SDK1: variants seen among roughly 807,000 people sequenced by gnomAD.
SDK1 encodes the protein sidekick cell adhesion molecule 1.
In SDK1, 157 loss-of-function variants were observed where a neutral mutation model predicts 245.5. That is an observed-to-expected ratio of 0.64 (90% CI 0.56 to 0.73). The LOEUF is 0.73. Ranked by LOEUF, SDK1 falls within the 30% of genes least tolerant of loss-of-function variation. SDK1 has a pLI of 0.00. For missense variants in SDK1, 3,583 were observed against 3,002.3 expected, an observed-to-expected ratio of 1.19 and a Z score of -4.52; for synonymous variants, 1,647 against 1,278.5, an observed-to-expected ratio of 1.29 and a Z score of -6.15.
At chr7:3,476,906 A>G (rs1050041485) in intron 1 of SDK1, among the ~76,000 whole-genome samples, 1 of 152,182 alleles carries the variant, frequency 6.6e-6, no homozygotes, top group African/African-American at 2.4e-5. Flanking sequence ...GTGGGGAAAG[A>G]GGAACTCCTC....
intron 4 of SDK1, among the ~76,000 whole-genome samples, chr7:3,709,359 T>C (rs1030665110): frequency 2.6e-5 from 4 of 152,182 alleles, no homozygotes; most frequent in African/African-American, 9.7e-5. Context: ...AGACTGGGCA[T>C]GCATGCAAGG....
Position 3,886,153 on chromosome 7 carries a change from A to G in SDK1, c.847+64570A>G, listed in dbSNP as rs1319140296. Among the ~76,000 whole-genome samples the G allele has an allele frequency of 3.3e-5, 5 of 152,186 alleles. 1 individual carries two copies. Among genetic ancestry groups the G allele is most frequent in the Non-Finnish European group, 7.4e-5 (5 of 68,022 alleles). ...AAAACACGGACTGTACAGTTATCCT[A>G]CGTCAGGGATGAAGGATGGATCTGG... On this transcript the variant is annotated intron_variant, in intron 5 of 44. Transcript: ENST00000404826.
At chr7:3,830,920 C>T (rs1423562081) in intron 5 of SDK1, among the ~76,000 whole-genome samples, 1 of 152,174 alleles carries the variant, frequency 6.6e-6, no homozygotes, top group African/African-American at 2.4e-5. Context: ...GTAAACATAA[C>T]ATTTCAGAGT....
intron 5 of SDK1, among the ~76,000 whole-genome samples, chr7:3,847,461 A>G (rs1044582612): frequency 1.3e-5 from 2 of 152,354 alleles, no homozygotes; most frequent in Admixed American, 6.5e-5. Context: ...GCTGTCTGAC[A>G]GAGGAGACTC....
chr7:4,242,533 G>C (rs1009056447), intron 43 of SDK1, among the ~76,000 whole-genome samples: 11 of 152,058 alleles, frequency 7.2e-5, no homozygotes, highest in Non-Finnish European at 4.4e-5. Context: ...TCTGATTTGA[G>C]TACCCTTGAC....
At position 4,239,449 on chromosome 7, in the gene SDK1, C is replaced by T. The variant is rs967096932; in HGVS notation, c.6130+1665C>T. Among the ~76,000 whole-genome samples, 9 of 152,206 alleles carry T rather than the reference C, an allele frequency of 5.9e-5. No individual in the cohort carries two copies. In the South Asian group the frequency reaches 6.2e-4, roughly 10 times the overall value. On this transcript the variant is annotated intron_variant, in intron 42 of 44. Transcript: ENST00000404826. ...TAGCATAGCTTGTGCATTTGATTATCGTCAATTTTAAAAACCTCATAATTA... is the reference window on the plus strand; with the variant it reads ...TAGCATAGCTTGTGCATTTGATTATTGTCAATTTTAAAAACCTCATAATTA...
intron 1 of SDK1, among the ~76,000 whole-genome samples, chr7:3,313,655 G>C (rs1779600633): frequency 6.6e-6 from 1 of 152,194 alleles, no homozygotes; most frequent in Admixed American, 6.5e-5. Flanking sequence ...GGATTAGCGA[G>C]AGTGTAAGCA....
chr7:3,746,256 T>G (rs1185381747), intron 4 of SDK1, among the ~76,000 whole-genome samples: 11 of 152,236 alleles, frequency 7.2e-5, no homozygotes. Flanking sequence ...CAAAAATACT[T>G]TATTTTAAAA....
intron 1 of SDK1, among the ~76,000 whole-genome samples, chr7:3,597,197 G>A (rs1464925719): frequency 6.6e-5 from 10 of 151,022 alleles, no homozygotes; most frequent in African/African-American, 9.8e-5. Context: ...GCGTGAACCC[G>A]GGAGGCGGAG....
At chr7:4,072,231 T>A (rs1780298408) in intron 20 of SDK1, among the ~76,000 whole-genome samples, 1 of 152,314 alleles carries the variant, frequency 6.6e-6, no homozygotes, top group East Asian at 1.9e-4. Context: ...GGCCTGGGTT[T>A]GGAGGTGCCT....
At chr7:3,383,657 G>T (rs1781543809) in intron 1 of SDK1, among the ~76,000 whole-genome samples, 1 of 152,094 alleles carries the variant, frequency 6.6e-6, no homozygotes. Context: ...CTTTAAAGAG[G>T]CATGGACAAT....
At chr7:3,415,566 A>G (rs1779339587) in intron 1 of SDK1, among the ~76,000 whole-genome samples, 1 of 152,098 alleles carries the variant, frequency 6.6e-6, no homozygotes, top group Non-Finnish European at 1.5e-5. Flanking sequence ...TGTATTGCTC[A>G]TAGATGGAAA....
In SDK1 at chr7:3,373,102, G is replaced by A. The variant is rs1196381090; in HGVS notation, c.298+71218G>A. ...CGGATGTAGTGTGTTTTACAGTGGC[G>A]CTATGTCCTTATAAACTGATAAGCT... On this transcript the variant is annotated intron_variant, in intron 1 of 44. Transcript: ENST00000404826. 3.5e-4 allele frequency among the ~76,000 whole-genome samples: 53 copies of A among 152,198 alleles called. 1 individual carries two copies. Among genetic ancestry groups the A allele is most frequent in the South Asian group, 6.2e-4 (3 of 4,822 alleles).
intron 4 of SDK1, among the ~76,000 whole-genome samples, chr7:3,708,986 G>A (rs1270223768): frequency 1.3e-5 from 2 of 152,148 alleles, no homozygotes; most frequent in Non-Finnish European, 2.9e-5. Context: ...CATGTTAATT[G>A]TTGCCTAGAT....
chr7:3,527,831 T>G, intron 1 of SDK1, among the ~76,000 whole-genome samples: 1 of 145,086 alleles, frequency 6.9e-6, no homozygotes. Context: ...TGGATGATAG[T>G]CAGCTAGGGG....
rs1780535382 is a variant in SDK1 at position 3,855,976 on chromosome 7, T to C, written c.847+34393T>C. On this transcript the variant is annotated intron_variant, in intron 5 of 44. Coordinates refer to ENST00000404826, the MANE Select transcript of SDK1 (RefSeq NM_152744.4). ...CAGCAGTAAAAAAGCTGCATAAAAA[T>C]GAATAATAAAGAATTTACTGAAACT... Among the ~76,000 whole-genome samples, 3 of 152,152 alleles carry C rather than the reference T, an allele frequency of 2.0e-5. No homozygotes were observed. In the South Asian group the frequency reaches 6.2e-4, roughly 32 times the overall value.
chr7:3,311,710 T>G (rs1779554282), intron 1 of SDK1, among the ~76,000 whole-genome samples: 1 of 152,180 alleles, frequency 6.6e-6, no homozygotes, highest in Non-Finnish European at 1.5e-5. Flanking sequence ...AAGCTGAATG[T>G]GGAGGACTCC....
chr7:4,258,643 G>T (rs374166312), intron 44 of SDK1, among the ~76,000 whole-genome samples: 2 of 152,198 alleles, frequency 1.3e-5, no homozygotes, highest in Non-Finnish European at 2.9e-5. Flanking sequence ...CCCTAAGAAG[G>T]TCACTTGCAT....
chr7:3,531,936 T>C (rs545891248), intron 1 of SDK1, among the ~76,000 whole-genome samples: 31 of 152,350 alleles, frequency 2.0e-4, no homozygotes, highest in Non-Finnish European at 3.7e-4. Flanking sequence ...GCAGGTTCAG[T>C]AACACACCAT....
Sources: gnomAD v4.1 joint callset for allele counts (sites outside exome capture counted in the v4.1 genomes callset) on GRCh38, gnomAD v4.1.1 for gene constraint, MANE v1.5 for transcripts, NCBI Gene and HGNC (gene_info 2026-07-23, HGNC 2026-07-21) for gene names.